Variants in ACTN2 observed in about 807,000 individuals in gnomAD.
ACTN2 encodes alpha-actinin-2.
In ACTN2, 39 loss-of-function variants were observed where a neutral mutation model predicts 113.8. The ratio of observed to expected loss-of-function variants is 0.34; its 90% CI spans 0.27 to 0.45. ACTN2 has a LOEUF of 0.45. ACTN2 is among the 20% of genes least tolerant of loss of function. The probability of loss-of-function intolerance (pLI) is 1.00; values close to 1 mark genes in which losing one functional copy is unlikely to be tolerated. For synonymous variants in ACTN2, 429 were observed against 444.1 expected (o/e 0.97, Z 0.43); for missense variants, 992 against 1,177.9 (o/e 0.84, Z 2.31).
In ACTN2 at chr1:236,721,269, G is replaced by T. The variant is rs565053594; in HGVS notation, c.448+1078G>T. ...TCTCGATCTCCTGAGCTCGTGATCC[G>T]CCCGCCTCAGCCTCCCAAAGTGCTG... On this transcript the variant is annotated intron_variant, in intron 4 of 20. Transcript: ENST00000366578. 1.6e-4 allele frequency among the ~76,000 whole-genome samples: 24 copies of T among 151,546 alleles called. No individual in the cohort carries two copies. The East Asian group carries it at 4.3e-3, about 27-fold the overall frequency.
At chr1:236,698,901 A>G (rs1657596684) in intron 1 of ACTN2, among the ~76,000 whole-genome samples, 1 of 152,184 alleles carries the variant, frequency 6.6e-6, no homozygotes, top group Admixed American at 6.5e-5. Flanking sequence ...TATTATCTTC[A>G]TTATTTTAGC....
chr1:236,704,548 A>C (rs1270945515), intron 1 of ACTN2, among the ~76,000 whole-genome samples: 2 of 152,198 alleles, frequency 1.3e-5, no homozygotes, highest in African/African-American at 2.4e-5. Context: ...TGGGGTTCTC[A>C]TGCCTCTTTG....
chr1:236,749,808 A>G (rs1659342117), intron 14 of ACTN2, among the ~76,000 whole-genome samples: 1 of 152,158 alleles, frequency 6.6e-6, no homozygotes, highest in Non-Finnish European at 1.5e-5. Flanking sequence ...CTCAACAACA[A>G]CAACAACAAC....
chr1:236,702,275 T>C (rs1376219521), intron 1 of ACTN2, among the ~76,000 whole-genome samples: 1 of 152,162 alleles, frequency 6.6e-6, no homozygotes, highest in African/African-American at 2.4e-5. Context: ...GCCGACATCA[T>C]TACAGACAAC....
chr1:236,730,403 G>T (rs912004970), intron 6 of ACTN2, among the ~76,000 whole-genome samples: 1 of 151,714 alleles, frequency 6.6e-6, no homozygotes, highest in African/African-American at 2.4e-5. Context: ...AAAAATGATT[G>T]TGCTCATTGG....
chr1:236,737,453 G>C (rs1299524273), intron 9 of ACTN2, among the ~76,000 whole-genome samples: 2 of 150,954 alleles, frequency 1.3e-5, no homozygotes, highest in African/African-American at 2.4e-5. Flanking sequence ...AAAGCAGAAA[G>C]GTATAGTTTG....
At chr1:236,718,443 G>A (rs1658285699) in intron 2 of ACTN2, among the ~76,000 whole-genome samples, 1 of 152,222 alleles carries the variant, frequency 6.6e-6, no homozygotes, top group Admixed American at 6.5e-5. Flanking sequence ...TTGGAGAAGT[G>A]TGACTGGGAA....
Position 236,754,715 on chromosome 1 carries a change from C to T in ACTN2, c.1975-304C>T, listed in dbSNP as rs922371872. Reference sequence around the variant, plus strand: ...TCCTCCAGAGCAGGGTAGCTCTGCCCGAGGGCGTTTCCTTCCCACAGCAAG... The same window carrying T: ...TCCTCCAGAGCAGGGTAGCTCTGCCTGAGGGCGTTTCCTTCCCACAGCAAG... On this transcript the variant is annotated intron_variant, in intron 16 of 20. Transcript: ENST00000366578. The surrounding 1 kb of genome is among the most constrained non-coding windows in gnomAD (Gnocchi z 4.9). 2.8e-4 allele frequency among the ~76,000 whole-genome samples: 42 copies of T among 152,232 alleles called. No homozygotes were observed. The highest frequency in any genetic ancestry group is 1.0e-3 in the African/African-American group (42 of 41,466).
intron 4 of ACTN2, among the ~76,000 whole-genome samples, chr1:236,721,022 GTTT>G (rs869077774): frequency 0.038 from 2,556 of 66,438 alleles, 562 homozygotes; most frequent in Non-Finnish European, 0.049. Context: ...TTTGTTTTTT[GTTT>G]TTTTTTTTTT....
chr1:236,713,174 G>C (rs965828786), intron 1 of ACTN2, among the ~76,000 whole-genome samples: 1 of 150,804 alleles, frequency 6.6e-6, no homozygotes, highest in African/African-American at 2.4e-5. Flanking sequence ...TAAAAACAAA[G>C]AATTTATACT....
chr1:236,687,679 A>C (rs547349948), intron 1 of ACTN2, among the ~76,000 whole-genome samples: 5 of 152,366 alleles, frequency 3.3e-5, no homozygotes, highest in Admixed American at 3.3e-4. Flanking sequence ...TTCCCTTCTA[A>C]GGACCTGCTT....
rs528859544 is a variant in ACTN2 at position 236,747,673 on chromosome 1, G to A, written c.1413G>A (p.Leu471=). 6.2e-7 allele frequency: 1 copy of A among 1,613,474 alleles called. No individual in the cohort carries two copies. Among genetic ancestry groups the A allele is most frequent in the South Asian group, 1.1e-5 (1 of 91,046 alleles). ...TTATTTTCACTTTTAATAGTGAACT[G>A]GACTATCACGACGCTGTGAATGTCA... The part of the protein sequence containing the change: ...IAAIAQELNE[L]DYHDAVNVND... The change falls in exon 13 of 21, where the codon CTG becomes CTA. Residue 471 remains leucine, a synonymous_variant. Coordinates refer to ENST00000366578, the MANE Select transcript of ACTN2 (RefSeq NM_001103.4).
chr1:236,692,532 G>T (rs1284978300), intron 1 of ACTN2, among the ~76,000 whole-genome samples: 1 of 152,202 alleles, frequency 6.6e-6, no homozygotes, highest in African/African-American at 2.4e-5. Context: ...GAGAGCCAGA[G>T]AAAGTTCTTA....
At chr1:236,737,022 C>T (rs771563863) in intron 8 of ACTN2, 100 bp from the exon 9 acceptor site, 41 of 954,876 alleles carry the variant, frequency 4.3e-5, no homozygotes, top group South Asian at 8.2e-5. Context: ...GTCTACAGCA[C>T]GCCACCCTCC....
At chr1:236,691,920 G>T (rs1418164225) in intron 1 of ACTN2, among the ~76,000 whole-genome samples, 2 of 152,246 alleles carry the variant, frequency 1.3e-5, no homozygotes, top group Admixed American at 6.5e-5. Context: ...AACTTAGAAA[G>T]TTGGATCCAC....
chr1:236,735,769 T>C (rs1465102532), intron 8 of ACTN2, 49 bp downstream of exon 8: 2 of 1,527,924 alleles, frequency 1.3e-6, no homozygotes, highest in Non-Finnish European at 1.8e-6. Flanking sequence ...TCTGTTGGTT[T>C]TAGTTGTGTG....
chr1:236,710,962 G>C (rs894143699), intron 1 of ACTN2, among the ~76,000 whole-genome samples: 1 of 152,022 alleles, frequency 6.6e-6, no homozygotes, highest in Non-Finnish European at 1.5e-5. Flanking sequence ...GTTGGGGACC[G>C]CTGTTCTAGA....
rs537319719 is a variant in ACTN2 at position 236,749,874 on chromosome 1, G to A, written c.1656+610G>A. 5.3e-5 allele frequency among the ~76,000 whole-genome samples: 8 copies of A among 152,242 alleles called. No individual in the cohort carries two copies. The East Asian group carries it at 1.5e-3, about 29-fold the overall frequency. ...ATCATTGAGCAAAATAAACATATGT[G>A]CTCTTGGAGTTATTCATGAAAAAGT... is the stretch of plus-strand genomic sequence containing the variant. On this transcript the variant is annotated intron_variant, in intron 14 of 20. Transcript: ENST00000366578.
chr1:236,709,115 AG>A (rs1657919513), intron 1 of ACTN2, among the ~76,000 whole-genome samples: 1 of 150,528 alleles, frequency 6.6e-6, no homozygotes, highest in East Asian at 2.0e-4. Context: ...TTCACACGAG[AG>A]GGTGTTCAGA....
Sources: gnomAD v4.1 joint callset for allele counts (sites outside exome capture counted in the v4.1 genomes callset) on GRCh38, gnomAD v4.1.1 for gene constraint, Gnocchi (gnomAD v3.1) non-coding constraint, MANE v1.5 for transcripts, NCBI Gene and HGNC (gene_info 2026-07-23, HGNC 2026-07-21) for gene names.